PCDH11Y: variants seen among roughly 807,000 people sequenced by gnomAD.
PCDH11Y encodes the protein protocadherin 11 Y-linked.
For missense variants in PCDH11Y, 12 were observed against 224.8 expected (o/e 0.05, Z 6.05); for synonymous variants, 9 against 83.6 (o/e 0.11, Z 4.87).
intron 4 of PCDH11Y, among the ~76,000 whole-genome samples, chrY:5,599,066 A>G (rs2124699299): frequency 6.1e-5 from 2 of 32,571 alleles, no homozygotes; most frequent in African/African-American, 2.4e-4. Flanking sequence ...GAAAAATACT[A>G]TCAGAATACA....
At chrY:5,235,055 C>T in intron 2 of PCDH11Y, among the ~76,000 whole-genome samples, 1 of 32,112 alleles carries the variant, frequency 3.1e-5, no homozygotes, top group African/African-American at 1.2e-4. Context: ...ATGACCGGTA[C>T]GTAGGTACTG....
At chrY:5,051,624 G>GAAC (rs2052652577), upstream of PCDH11Y, among the ~76,000 whole-genome samples, 1 of 33,240 alleles carries the variant, frequency 3.0e-5, no homozygotes, top group Non-Finnish European at 7.4e-5. Context: ...CCCTGTTAGA[G>GAAC]AACACCACAC....
intron 2 of PCDH11Y, among the ~76,000 whole-genome samples, chrY:5,339,629 C>G: frequency 3.1e-5 from 1 of 32,172 alleles, no homozygotes; most frequent in Non-Finnish European, 7.5e-5. Context: ...GTGCCCAGTC[C>G]CTTTCCATTT....
chrY:5,108,008 G>A (rs1412928553), downstream of PCDH11Y, among the ~76,000 whole-genome samples: 2 of 24,203 alleles, frequency 8.3e-5, no homozygotes, highest in Non-Finnish European at 2.0e-4. Context: ...GCAGTGAGCC[G>A]AGATCGCGCC....
Position 5,710,564 on chromosome Y carries a change from C to A in PCDH11Y, c.3353-26708C>A, listed in dbSNP as rs1394231479. On this transcript the variant is annotated intron_variant, in intron 4 of 4. Coordinates refer to the PCDH11Y transcript ENST00000400457. Reference sequence around the variant, plus strand: ...GCAGAATAGAATGTGTATTTAGGACCCCTATCAGCTTGCTACTCAAGCCAG... The same window carrying A: ...GCAGAATAGAATGTGTATTTAGGACACCTATCAGCTTGCTACTCAAGCCAG... Among the ~76,000 whole-genome samples the A allele has an allele frequency of 5.2e-4, 17 of 32,780 alleles. No individual in the cohort carries two copies. The East Asian group carries it at 9.7e-3, about 19-fold the overall frequency. 87.9% of individuals were successfully genotyped at this position (32,780 alleles called of 37,273 possible). A position where few individuals can be genotyped will look rare whatever the true frequency, so the allele number is the denominator to read the frequency against.
chrY:5,557,422 G>T, intron 3 of PCDH11Y, among the ~76,000 whole-genome samples: 6 of 32,946 alleles, frequency 1.8e-4, no homozygotes, highest in Non-Finnish European at 3.7e-4. Flanking sequence ...GTTTTTGGTG[G>T]TTATTGTAGA....
intron 3 of PCDH11Y, among the ~76,000 whole-genome samples, chrY:5,528,604 C>T: frequency 3.0e-5 from 1 of 33,228 alleles, no homozygotes; most frequent in East Asian, 7.8e-4. Flanking sequence ...TGAATGAGAA[C>T]TCTAGTCCAT....
intron 3 of PCDH11Y, among the ~76,000 whole-genome samples, chrY:5,520,106 C>G (rs2053378806): frequency 3.5e-5 from 1 of 28,948 alleles, no homozygotes; most frequent in Non-Finnish European, 8.0e-5. Flanking sequence ...GTAATCCCAG[C>G]TACTTGGGCA....
intron 2 of PCDH11Y, among the ~76,000 whole-genome samples, chrY:5,382,617 C>G: frequency 6.0e-5 from 2 of 33,231 alleles, no homozygotes; most frequent in Non-Finnish European, 1.5e-4. Flanking sequence ...TTGTTATAGA[C>G]TCAAATACAC....
chrY:5,195,444 G>A, intron 2 of PCDH11Y, among the ~76,000 whole-genome samples: 1 of 33,190 alleles, frequency 3.0e-5, no homozygotes, highest in Non-Finnish European at 7.4e-5. Flanking sequence ...GATTTTCAAT[G>A]AGCTATAAAG....
At chrY:5,357,987 A>C in intron 2 of PCDH11Y, among the ~76,000 whole-genome samples, 1 of 32,813 alleles carries the variant, frequency 3.0e-5, no homozygotes, top group Non-Finnish European at 7.5e-5. Flanking sequence ...CCCAGGCTGG[A>C]GTGCAATGGG....
intron 4 of PCDH11Y, among the ~76,000 whole-genome samples, chrY:5,594,737 G>A: frequency 3.1e-5 from 1 of 31,850 alleles, no homozygotes; most frequent in Non-Finnish European, 7.7e-5. Flanking sequence ...GTCAGGCTGG[G>A]CCTCTGGGAC....
At chrY:5,069,627 T>G in intron 1 of PCDH11Y, among the ~76,000 whole-genome samples, 2 of 30,984 alleles carry the variant, frequency 6.5e-5, no homozygotes, top group African/African-American at 1.3e-4. Context: ...TTTTGTTTTT[T>G]TTTTTTCTTG....
At chrY:5,552,162 A>G in intron 3 of PCDH11Y, among the ~76,000 whole-genome samples, 2 of 32,820 alleles carry the variant, frequency 6.1e-5, no homozygotes, top group Non-Finnish European at 1.5e-4. Flanking sequence ...CATGAATAGA[A>G]TTTTTAATAC....
At chrY:5,188,485 C>T (rs2052908742) in intron 2 of PCDH11Y, among the ~76,000 whole-genome samples, 1 of 31,580 alleles carries the variant, frequency 3.2e-5, no homozygotes, top group Non-Finnish European at 7.7e-5. Context: ...GAAGTAGAAG[C>T]GAACATGTCC....
intron 2 of PCDH11Y, among the ~76,000 whole-genome samples, chrY:5,479,338 T>C (rs2053323193): frequency 3.0e-5 from 1 of 33,789 alleles, no homozygotes; most frequent in African/African-American, 1.2e-4. Flanking sequence ...AATTCTTTTC[T>C]TTAAGAATGT....
chrY:5,183,669 TC>T (rs2052903562), intron 2 of PCDH11Y, among the ~76,000 whole-genome samples: 5 of 30,471 alleles, frequency 1.6e-4, no homozygotes, highest in African/African-American at 2.7e-4. Flanking sequence ...AACACATTTT[TC>T]CTAGCTATCG....
intron 1 of PCDH11Y, among the ~76,000 whole-genome samples, chrY:5,004,262 G>T: frequency 3.0e-5 from 1 of 33,214 alleles, no homozygotes; most frequent in African/African-American, 1.2e-4. Context: ...CCTTCCCCCT[G>T]GCTCCTTGGC....
intron 2 of PCDH11Y, among the ~76,000 whole-genome samples, chrY:5,229,685 A>G: frequency 9.4e-5 from 3 of 31,779 alleles, no homozygotes; most frequent in Non-Finnish European, 2.3e-4. Flanking sequence ...TTATCCATGC[A>G]GCTGGTTTAT....
Sources: allele counts gnomAD v4.1 joint callset (sites outside exome capture counted in the v4.1 genomes callset), GRCh38; gene constraint gnomAD v4.1.1; transcripts MANE v1.5; gene names NCBI Gene and HGNC (gene_info 2026-07-23, HGNC 2026-07-21).